The following TJP1 variants were observed in gnomAD, a reference collection of about 807,000 sequenced individuals.
The protein encoded by TJP1 is tight junction protein ZO-1.
In TJP1, 43 loss-of-function variants were observed where a neutral mutation model predicts 194.2. The observed-to-expected ratio is 0.22, with a 90% CI of 0.17 to 0.29. TJP1 has a LOEUF of 0.29. TJP1 is among the 10% of genes least tolerant of loss of function. The probability of loss-of-function intolerance (pLI) is 1.00; values close to 1 mark genes in which losing one functional copy is unlikely to be tolerated. For synonymous variants in TJP1, 801 were observed against 779.0 expected (o/e 1.03, Z -0.47); for missense variants, 1,971 against 2,185.7 (o/e 0.90, Z 1.96).
chr15:29,826,205 A>T (rs932795884), upstream of TJP1, among the ~76,000 whole-genome samples: 4 of 152,050 alleles, frequency 2.6e-5, no homozygotes, highest in Non-Finnish European at 5.9e-5. Flanking sequence ...TCAATTCAGT[A>T]TACAGAAAGT....
chr15:29,929,920 C>T (rs563510458), intron 2 of TJP1, among the ~76,000 whole-genome samples: 1 of 152,040 alleles, frequency 6.6e-6, no homozygotes, highest in South Asian at 2.1e-4. Context: ...ACTACAGATA[C>T]AGCTGACATT....
intron 2 of TJP1, among the ~76,000 whole-genome samples, chr15:29,887,544 G>A (rs755802801): frequency 3.4e-4 from 51 of 151,472 alleles, no homozygotes; most frequent in Non-Finnish European, 1.2e-4. Context: ...CAGATGATCC[G>A]CCCACCTCGG....
At chr15:29,727,292 C>T (rs1009317761) in intron 16 of TJP1, among the ~76,000 whole-genome samples, 11 of 151,562 alleles carry the variant, frequency 7.3e-5, no homozygotes, top group African/African-American at 1.9e-4. Flanking sequence ...TACAGTGAGC[C>T]GAGATCACGC....
chr15:29,813,306 T>G (rs928740248), intron 1 of TJP1, among the ~76,000 whole-genome samples: 2 of 152,222 alleles, frequency 1.3e-5, no homozygotes, highest in Admixed American at 1.3e-4. Flanking sequence ...TACTACCTTT[T>G]GCTCAGCTGT....
chr15:29,891,320 C>T (rs1020915121), intron 2 of TJP1, among the ~76,000 whole-genome samples: 18 of 152,180 alleles, frequency 1.2e-4, no homozygotes, highest in African/African-American at 4.1e-4. Context: ...ATTCTGTGAC[C>T]AGAGTTTGAA....
chr15:29,956,163 T>C (rs1774517543), intron 2 of TJP1: 1 of 1,101,472 alleles, frequency 9.1e-7, no homozygotes, highest in Non-Finnish European at 1.1e-6. Context: ...TGCATTTTTA[T>C]GAAAATAATA....
At chr15:29,939,225 T>C (rs1343986890) in intron 2 of TJP1, among the ~76,000 whole-genome samples, 1 of 152,272 alleles carries the variant, frequency 6.6e-6, no homozygotes, top group East Asian at 1.9e-4. Context: ...TCTTTCCTGC[T>C]CTCAACTCTA....
chr15:29,710,257 C>T lies in TJP1; in HGVS notation c.4372+574G>A, dbSNP rs544009146. Among the ~76,000 whole-genome samples the T allele has an allele frequency of 2.0e-5, 3 of 152,226 alleles. No homozygotes were observed. In the South Asian group the frequency reaches 6.2e-4, roughly 32 times the overall value. On this transcript the variant is annotated intron_variant, in intron 24 of 27. Transcript: ENST00000614355. ...AAAAAAAATCTTAATAAAAGATAGCCTCAATCCAGAACTATAACACATCTG... is the reference window on the plus strand; with the variant it reads ...AAAAAAAATCTTAATAAAAGATAGCTTCAATCCAGAACTATAACACATCTG...
intron 2 of TJP1, among the ~76,000 whole-genome samples, chr15:29,837,586 A>G (rs2152059637): frequency 1.3e-5 from 2 of 152,310 alleles, no homozygotes; most frequent in South Asian, 2.1e-4. Flanking sequence ...AAAAGTCTCT[A>G]TTTGTTATTT....
chr15:29,723,486 G>A (rs1566899196), intron 18 of TJP1, among the ~76,000 whole-genome samples: 1 of 152,156 alleles, frequency 6.6e-6, no homozygotes, highest in Non-Finnish European at 1.5e-5. Flanking sequence ...GCAGGAGCCT[G>A]TACAGCCCAC....
At chr15:29,767,906 A>G (rs1438219853) in intron 4 of TJP1, among the ~76,000 whole-genome samples, 1 of 152,010 alleles carries the variant, frequency 6.6e-6, no homozygotes, top group East Asian at 1.9e-4. Flanking sequence ...ACCTACCTCT[A>G]AGACTTTTTT....
chr15:29,762,229 T>C (rs1490000875), intron 6 of TJP1, 106 bp downstream of exon 6: 2 of 876,262 alleles, frequency 2.3e-6, no homozygotes, highest in Non-Finnish European at 3.5e-6. Flanking sequence ...ACACTGATTT[T>C]TAATTCTCTT....
intron 1 of TJP1, among the ~76,000 whole-genome samples, chr15:29,811,700 C>A (rs2049524657): frequency 6.6e-6 from 1 of 152,022 alleles, no homozygotes; most frequent in African/African-American, 2.4e-5. Flanking sequence ...ACCCAAGGAA[C>A]CTTCCTCTGA....
At chr15:29,950,878 G>T (rs1441693060) in intron 2 of TJP1, among the ~76,000 whole-genome samples, 1 of 152,156 alleles carries the variant, frequency 6.6e-6, no homozygotes, top group Non-Finnish European at 1.5e-5. Context: ...GTTACATTCT[G>T]TAACCCCATA....
chr15:29,756,695 G>A (rs139926457), intron 8 of TJP1, among the ~76,000 whole-genome samples: 92 of 152,236 alleles, frequency 6.0e-4, no homozygotes, highest in African/African-American at 2.0e-3. Flanking sequence ...ACAATGGAAC[G>A]CTGGTAGATT....
chr15:29,876,242 G>A (rs1253772748), intron 2 of TJP1, among the ~76,000 whole-genome samples: 4 of 152,128 alleles, frequency 2.6e-5, no homozygotes, highest in African/African-American at 4.8e-5. Flanking sequence ...GATTTTGGCC[G>A]GGTGTGGTGG....
chr15:29,896,002 C>G (rs2053466048), intron 2 of TJP1, among the ~76,000 whole-genome samples: 1 of 152,166 alleles, frequency 6.6e-6, no homozygotes. Flanking sequence ...GGGGCCTCTT[C>G]TACAAGTTCA....
At chr15:29,864,648 G>A (rs1840993383) in intron 2 of TJP1, among the ~76,000 whole-genome samples, 1 of 152,146 alleles carries the variant, frequency 6.6e-6, no homozygotes, top group East Asian at 1.9e-4. Flanking sequence ...AAGGAACCTG[G>A]AAGTTGACCT....
rs747063345 is a variant in TJP1, at chr15:29,718,816, T to C, written c.3326A>G (p.Gln1109Arg). The part of the protein sequence containing the change: ...PYPSRPPFDN[Q>R]HSQDLDSRQH... ...TCTGGAGTCAAGGTCTTGAGAGTGC[T>C]GATTATCAAAAGGTGGCCGAGATGG... is the stretch of plus-strand genomic sequence containing the variant. Residue 1109 changes from glutamine to arginine, a missense_variant, in exon 21 of 28, where the codon CAG (glutamine) becomes CGG (arginine). By Grantham distance (43) the Gln-to-Arg change is conservative. Around this residue, in one of 5 missense-constraint regions of TJP1, gnomAD observed 1,108 missense variants for 1,128.5 expected, o/e 0.98. Coordinates refer to ENST00000614355, the MANE Select transcript of TJP1 (RefSeq NM_001330239.4). 6.2e-6 allele frequency: 10 copies of C among 1,614,080 alleles called. No individual in the cohort carries two copies. Among genetic ancestry groups the C allele is most frequent in the South Asian group, 1.1e-5 (1 of 91,082 alleles).
Sources: gnomAD v4.1 joint callset for allele counts (sites outside exome capture counted in the v4.1 genomes callset) on GRCh38, gnomAD v4.1.1 for gene constraint, gnomAD v4.1.1 regional missense constraint, MANE v1.5 for transcripts, NCBI Gene and HGNC (gene_info 2026-07-23, HGNC 2026-07-21) for gene names.